Variants in ZNF148 observed in about 807,000 individuals in gnomAD.
ZNF148 encodes Beta-Enolase Repressor Factor-1.
Under a neutral mutation model 67.7 loss-of-function variants are expected in ZNF148, and 7 were observed. The observed-to-expected ratio is 0.10, with a 90% CI of 0.06 to 0.19. ZNF148 has a LOEUF of 0.19. Ranked by LOEUF, ZNF148 falls within the 10% of genes least tolerant of loss-of-function variation. The probability of loss-of-function intolerance (pLI) is 1.00; values close to 1 mark genes in which losing one functional copy is unlikely to be tolerated. For synonymous variants in ZNF148, 333 were observed against 330.7 expected, an observed-to-expected ratio of 1.01 and a Z score of -0.08; for missense variants, 583 against 947.1, an observed-to-expected ratio of 0.62 and a Z score of 5.05.
chr3:125,308,061 C>T (rs1430383217), intron 4 of ZNF148, among the ~76,000 whole-genome samples: 1 of 151,824 alleles, frequency 6.6e-6, no homozygotes, highest in Non-Finnish European at 1.5e-5. Context: ...GTTTTGTAGG[C>T]CCCAGACAGT....
At chr3:125,356,319 A>G (rs1487669426) in intron 1 of ZNF148, among the ~76,000 whole-genome samples, 2 of 152,212 alleles carry the variant, frequency 1.3e-5, no homozygotes, top group African/African-American at 2.4e-5. Flanking sequence ...CAGACTGGGC[A>G]TAAGAGACCC....
At chr3:125,249,788 A>G (rs1447394714) in intron 7 of ZNF148, among the ~76,000 whole-genome samples, 1 of 152,190 alleles carries the variant, frequency 6.6e-6, no homozygotes, top group African/African-American at 2.4e-5. Context: ...CTGTCAATGG[A>G]TGAATGGATA....
At chr3:125,251,416 G>A (rs1936836769) in intron 7 of ZNF148, among the ~76,000 whole-genome samples, 1 of 152,134 alleles carries the variant, frequency 6.6e-6, no homozygotes, top group African/African-American at 2.4e-5. Context: ...CCGTCTAAGT[G>A]CCGTTTGAGG....
chr3:125,330,258 A>G (rs1941228419), intron 2 of ZNF148, among the ~76,000 whole-genome samples: 1 of 151,812 alleles, frequency 6.6e-6, no homozygotes, highest in South Asian at 2.1e-4. Context: ...TGAGCTCAGG[A>G]GTTCAAGACC....
At chr3:125,255,307 C>T (rs571997454) in intron 7 of ZNF148, among the ~76,000 whole-genome samples, 161 of 136,096 alleles carry the variant, frequency 1.2e-3, no homozygotes, top group African/African-American at 4.1e-3. Flanking sequence ...AGTGCAGTGG[C>T]ACAATCTTGG....
rs1319467674 is a variant in ZNF148, at chr3:125,230,835, A to G, written c.*1506T>C. ...AGAAAATTTAAAATGTAAAAATGAA[A>G]AAGTTGTAACAAAGAGTCAATAACT... On this transcript the variant is annotated 3_prime_UTR_variant, in exon 9 of 9. Coordinates refer to ENST00000360647, the MANE Select transcript of ZNF148 (RefSeq NM_021964.3). 1 of 152,210 alleles carries G rather than the reference A, an allele frequency of 6.6e-6. No homozygotes were observed. The highest frequency in any genetic ancestry group is 2.4e-5 in the African/African-American group (1 of 41,450). 9.4% of individuals were successfully genotyped at this position (152,210 alleles called of 1,614,324 possible).
At chr3:125,334,694 C>T (rs754116589) in intron 1 of ZNF148, among the ~76,000 whole-genome samples, 5 of 152,042 alleles carry the variant, frequency 3.3e-5, no homozygotes, top group Non-Finnish European at 7.4e-5. Context: ...ATATAATTTC[C>T]CAAAGAATAC....
At chr3:125,354,055 A>G (rs987945355) in intron 1 of ZNF148, among the ~76,000 whole-genome samples, 3 of 152,170 alleles carry the variant, frequency 2.0e-5, no homozygotes, top group Non-Finnish European at 4.4e-5. Context: ...TAATAAAAAT[A>G]TAAGAAAGCC....
chr3:125,364,712 T>C (rs997648037), intron 1 of ZNF148, among the ~76,000 whole-genome samples: 7 of 152,190 alleles, frequency 4.6e-5, no homozygotes, highest in African/African-American at 9.7e-5. Context: ...CTTCTGGAAG[T>C]CGGAAATGTC....
intron 7 of ZNF148, among the ~76,000 whole-genome samples, chr3:125,259,826 A>G (rs1490375498): frequency 6.6e-6 from 1 of 152,204 alleles, no homozygotes; most frequent in East Asian, 1.9e-4. Flanking sequence ...TTACTGGCAC[A>G]AGAGACCTAG....
At chr3:125,263,876 A>C (rs1579651792) in intron 7 of ZNF148, among the ~76,000 whole-genome samples, 1 of 152,208 alleles carries the variant, frequency 6.6e-6, no homozygotes, top group South Asian at 2.1e-4. Flanking sequence ...CAAGGCCTTG[A>C]GTAGAAGCCT....
intron 4 of ZNF148, 101 bp from the exon 5 acceptor site, chr3:125,288,329 G>A: frequency 4.0e-6 from 5 of 1,255,856 alleles, no homozygotes; most frequent in Middle Eastern, 2.7e-4. Context: ...ACATACAGGT[G>A]CTTCCAGAAT....
chr3:125,357,622 G>GCAGCTGGCCCAAA (rs1279323103), intron 1 of ZNF148: 2 of 152,588 alleles, frequency 1.3e-5, no homozygotes, highest in African/African-American at 4.8e-5. Context: ...TCCCGCCCGC[G>GCAGCTGGCCCAAA]CAGCTGGCCC....
At chr3:125,282,958 C>A (rs1204018985) in intron 5 of ZNF148, among the ~76,000 whole-genome samples, 2 of 152,098 alleles carry the variant, frequency 1.3e-5, no homozygotes, top group Non-Finnish European at 2.9e-5. Flanking sequence ...AAACTAAACA[C>A]TATAGGTTTT....
At chr3:125,371,369 A>AG in intron 1 of ZNF148, among the ~76,000 whole-genome samples, 1 of 50,906 alleles carries the variant, frequency 2.0e-5, no homozygotes, top group African/African-American at 9.7e-5. Context: ...AAAAAAAAAA[A>AG]AAAGGGGGGG....
At chr3:125,353,852 T>C (rs1317284896) in intron 1 of ZNF148, among the ~76,000 whole-genome samples, 1 of 151,792 alleles carries the variant, frequency 6.6e-6, no homozygotes. Flanking sequence ...AGCGGGAAGA[T>C]CACGTGAGCC....
intron 7 of ZNF148, among the ~76,000 whole-genome samples, chr3:125,259,436 T>C (rs1283534627): frequency 1.3e-5 from 2 of 152,218 alleles, no homozygotes; most frequent in Non-Finnish European, 2.9e-5. Flanking sequence ...TGGAAAATGC[T>C]ATGGTGATTT....
intron 5 of ZNF148, among the ~76,000 whole-genome samples, chr3:125,279,504 T>C (rs921283271): frequency 6.6e-6 from 1 of 152,158 alleles, no homozygotes; most frequent in Non-Finnish European, 1.5e-5. Context: ...GGCCTTCTCC[T>C]CTGTAATGCT....
chr3:125,250,395 T>G (rs1323724792), intron 7 of ZNF148, among the ~76,000 whole-genome samples: 1 of 152,218 alleles, frequency 6.6e-6, no homozygotes, highest in African/African-American at 2.4e-5. Flanking sequence ...CAACGCTGGC[T>G]GGCTGCCTTT....
Sources: gnomAD v4.1 joint callset for allele counts (sites outside exome capture counted in the v4.1 genomes callset) on GRCh38, gnomAD v4.1.1 for gene constraint, MANE v1.5 for transcripts, NCBI Gene and HGNC (gene_info 2026-07-23, HGNC 2026-07-21) for gene names.